The following PHYKPL variants were observed in gnomAD, a reference collection of about 807,000 sequenced individuals.
PHYKPL encodes 5-phosphonooxy-L-lysine phospho-lyase.
PHYKPL carries 42 observed loss-of-function variants against 51.3 expected under a neutral mutation model. That is an observed-to-expected ratio of 0.82 (90% CI 0.64 to 1.06). PHYKPL has a LOEUF of 1.06. PHYKPL is among the 50% of genes least tolerant of loss of function. The pLI is 0.00. For missense variants in PHYKPL, 655 were observed against 586.6 expected, an observed-to-expected ratio of 1.12 and a Z score of -1.20; for synonymous variants, 264 against 236.0, an observed-to-expected ratio of 1.12 and a Z score of -1.09.
At chr5:178,231,843 T>TGG in intron 1 of PHYKPL, 1 of 1,348,578 alleles carries the variant, frequency 7.4e-7, no homozygotes, top group Non-Finnish European at 9.8e-7. Context: ...CCCCGTCCCA[T>TGG]GGGGACTCCA....
rs1028175259 is a variant in PHYKPL at position 178,223,174 on chromosome 5, A to G, written c.619-240T>C. 7.9e-6 allele frequency: 4 copies of G among 506,982 alleles called. No homozygotes were observed. In the East Asian group the frequency reaches 1.5e-4, roughly 19 times the overall value. The allele number at this position is 506,982 out of a possible 1,614,324, so 31.4% of individuals were successfully genotyped here. On this transcript the variant is annotated intron_variant, in intron 6 of 12. Transcript: ENST00000308158. ...ACTTGGCATGCCCCAAACTACATGC[A>G]CTGATTTTTCCACCATAAGCCAGTT...
chr5:178,207,187 G>A, downstream of PHYKPL: 2 of 1,614,218 alleles, frequency 1.2e-6, no homozygotes, highest in Middle Eastern at 1.6e-4. Flanking sequence ...CGTGAAGAAG[G>A]TTCTGGAGAA....
intron 3 of PHYKPL, chr5:178,228,365 A>C (rs1762695625): frequency 1.7e-6 from 1 of 595,704 alleles, no homozygotes; most frequent in Admixed American, 2.9e-5. Flanking sequence ...GGTAACTGTC[A>C]ATTACTGCTG....
intron 1 of PHYKPL, 171 bp downstream of exon 1, chr5:178,232,321 C>G (rs1040202217): frequency 1.5e-4 from 194 of 1,265,470 alleles, no homozygotes; most frequent in Non-Finnish European, 1.8e-4. Flanking sequence ...CGGCGCCGCC[C>G]GCCTCGGGCC....
At chr5:178,228,331 G>T in intron 3 of PHYKPL, 1 of 570,538 alleles carries the variant, frequency 1.8e-6, no homozygotes, top group Non-Finnish European at 3.1e-6. Context: ...CGGGAAGCAA[G>T]ATGACAGACC....
chr5:178,212,098 C>T, intron 11 of PHYKPL, 128 bp from the exon 12 acceptor site: 2 of 952,738 alleles, frequency 2.1e-6, no homozygotes, highest in Non-Finnish European at 3.2e-6. Context: ...ACCCATGTCC[C>T]ATTCCCCAAA....
In PHYKPL at chr5:178,219,421, T is replaced by A. The variant is rs1760645593; in HGVS notation, c.927+2934A>T. The stretch of plus-strand genomic sequence containing the variant: ...CACTGGTAACTCAATAAAAAAAAAA[T>A]GGGCAAAAGACACAAAAGACACAAA... On this transcript the variant is annotated intron_variant, in intron 8 of 12. Transcript: ENST00000308158. Among the ~76,000 whole-genome samples, 3 of 147,368 alleles carry A rather than the reference T, an allele frequency of 2.0e-5. No homozygotes were observed. In the South Asian group the frequency reaches 6.4e-4, roughly 32 times the overall value.
chr5:178,232,084 GC>G (rs1255758608), intron 1 of PHYKPL: 2 of 1,188,734 alleles, frequency 1.7e-6, no homozygotes, highest in African/African-American at 1.6e-5. Flanking sequence ...TGCCCTTTCA[GC>G]CCCCTCCCAG....
At chr5:178,213,225 G>T in intron 10 of PHYKPL, 122 bp from the exon 11 acceptor site, 1 of 1,333,762 alleles carries the variant, frequency 7.5e-7, no homozygotes, top group Non-Finnish European at 1.0e-6. Context: ...TTCCTGCCAG[G>T]TCATTTTACT....
At chr5:178,213,370 AGAAT>A (rs1177081122) in intron 10 of PHYKPL, among the ~76,000 whole-genome samples, 3 of 152,250 alleles carry the variant, frequency 2.0e-5, no homozygotes, top group Non-Finnish European at 4.4e-5. Context: ...GTCCAAGCCA[AGAAT>A]GAATGGCCAC....
rs548271345 is a variant in PHYKPL at position 178,224,622 on chromosome 5, T to C, written c.501+20A>G. On this transcript the variant is annotated intron_variant, in intron 5 of 12. Transcript: ENST00000308158. ...CTTGGGGACAGGCACCGACCTGTTG[T>C]TGAGTTGGGCAGTGCATACCACGTG... is the stretch of plus-strand genomic sequence containing the variant. 1 of 1,614,224 alleles carries C rather than the reference T, an allele frequency of 6.2e-7. No individual in the cohort carries two copies. Among genetic ancestry groups the C allele is most frequent in the South Asian group, 1.1e-5 (1 of 91,090 alleles).
At chr5:178,210,677 G>C in intron 12 of PHYKPL, 1 of 1,375,130 alleles carries the variant, frequency 7.3e-7, no homozygotes, top group Non-Finnish European at 1.0e-6. Flanking sequence ...TGGATATGGA[G>C]TGAACACAAT....
In PHYKPL at chr5:178,209,321, G is replaced by A. The variant is rs1362755308; in HGVS notation, c.*32-406C>T. On this transcript the variant is annotated intron_variant, in intron 12 of 12. Transcript: ENST00000308158. ...CTACTGGCCTGACCACTGTCCTCTT[G>A]ACTTTTAGTGTGAGATCAAGGTGGC... is the stretch of plus-strand genomic sequence containing the variant. The A allele has an allele frequency of 3.1e-6, 5 of 1,613,174 alleles. No individual in the cohort carries two copies. In the African/African-American group the frequency reaches 5.3e-5, roughly 17 times the overall value.
rs1369943675 is a variant in PHYKPL, at chr5:178,224,337, G to A, written c.618+111C>T. 7.7e-6 allele frequency: 9 copies of A among 1,165,296 alleles called. No individual in the cohort carries two copies. In the South Asian group the frequency reaches 9.5e-5, roughly 12 times the overall value. The allele number at this position is 1,165,296 out of a possible 1,614,324, so 72.2% of individuals were successfully genotyped here. A position where few individuals can be genotyped will look rare whatever the true frequency, so the allele number is the denominator to read the frequency against. On this transcript the variant is annotated intron_variant, in intron 6 of 12. Transcript: ENST00000308158. ...TGCCCCTATCCCAGATTCCTGGAGG[G>A]CAGGGCCTCGTTTGGTTTTCTCTCT...
chr5:178,232,428 C>CGTGCGCGCGTGCGTA, intron 1 of PHYKPL, 64 bp downstream of exon 1: 2 of 1,367,752 alleles, frequency 1.5e-6, no homozygotes, highest in Non-Finnish European at 9.3e-7. Context: ...GTGCGTGCGT[C>CGTGCGCGCGTGCGTA]GTGCGTGCGC....
At chr5:178,210,296 C>A in intron 12 of PHYKPL, 1 of 1,613,970 alleles carries the variant, frequency 6.2e-7, no homozygotes, top group Non-Finnish European at 8.5e-7. Context: ...AGGGAGGCCC[C>A]ATCCGCTCAC....
intron 3 of PHYKPL, among the ~76,000 whole-genome samples, chr5:178,228,919 T>C (rs1276752126): frequency 6.6e-6 from 1 of 152,126 alleles, no homozygotes; most frequent in African/African-American, 2.4e-5. Flanking sequence ...CTTCCCCACT[T>C]GGCGGAGAAG....
chr5:178,214,710 G>A lies in PHYKPL; in HGVS notation c.1172+86C>T. ...TGTGGCCCAGAGTGCTGGGGGTACA[G>A]ATGAGGCTCCTTTCCACTGGCCCTG... On this transcript the variant is annotated intron_variant, in intron 10 of 12. Transcript: ENST00000308158. 6 of 1,257,034 alleles carry A rather than the reference G, an allele frequency of 4.8e-6. No homozygotes were observed. In the East Asian group the frequency reaches 1.4e-4, roughly 29 times the overall value. 77.9% of individuals were successfully genotyped at this position (1,257,034 alleles called of 1,614,324 possible).
Position 178,224,538 on chromosome 5 carries a change from G to A in PHYKPL, c.528C>T (p.Gly176=), listed in dbSNP as rs539992671. 3 of 1,614,170 alleles carry A rather than the reference G, an allele frequency of 1.9e-6. No individual in the cohort carries two copies. In the South Asian group the frequency reaches 3.3e-5, roughly 18 times the overall value. The change falls in exon 6 of 13, where the codon GGC becomes GGT. Residue 176 remains glycine (G), a synonymous_variant. Transcript: ENST00000308158. ...GGTTGGGGTGGTCCTCCCGGTAGGG[G>A]CCCCGGTAGGTGTCTGGGAGAGGTG... The part of the protein sequence containing the change: ...HVAPLPDTYR[G]PYREDHPNPA...
Sources: allele counts gnomAD v4.1 joint callset (sites outside exome capture counted in the v4.1 genomes callset), GRCh38; gene constraint gnomAD v4.1.1; transcripts MANE v1.5; gene names NCBI Gene and HGNC (gene_info 2026-07-23, HGNC 2026-07-21).